SDK1: variants seen among roughly 807,000 people sequenced by gnomAD.
The protein encoded by SDK1 is protein sidekick-1.
A neutral mutation model predicts 245.5 loss-of-function variants in SDK1; 157 were observed. The observed-to-expected ratio is 0.64, with a 90% CI of 0.56 to 0.73. SDK1 has a LOEUF of 0.73. Ranked by LOEUF, SDK1 falls within the 30% of genes least tolerant of loss-of-function variation. The pLI is 0.00. For missense variants in SDK1, 3,583 were observed against 3,002.3 expected (o/e 1.19, Z -4.52); for synonymous variants, 1,647 against 1,278.5 (o/e 1.29, Z -6.15).
intron 5 of SDK1, among the ~76,000 whole-genome samples, chr7:3,904,645 G>A (rs951620252): frequency 6.6e-6 from 1 of 151,946 alleles, no homozygotes; most frequent in South Asian, 2.1e-4. Context: ...AGTGGGCTAC[G>A]ATAACACCAC....
chr7:3,554,039 C>G (rs1449460151), intron 1 of SDK1, among the ~76,000 whole-genome samples: 1 of 152,162 alleles, frequency 6.6e-6, no homozygotes, highest in African/African-American at 2.4e-5. Flanking sequence ...TAAGCCTAAA[C>G]AGGGTGACTG....
At chr7:4,090,037 G>A (rs910922158) in intron 22 of SDK1, among the ~76,000 whole-genome samples, 3 of 152,186 alleles carry the variant, frequency 2.0e-5, no homozygotes, top group Admixed American at 6.5e-5. Flanking sequence ...AGTCGTCCTA[G>A]GTGACGCATT....
chr7:3,586,630 G>A (rs528227384), intron 1 of SDK1, among the ~76,000 whole-genome samples: 16 of 151,506 alleles, frequency 1.1e-4, no homozygotes, highest in South Asian at 4.2e-4. Flanking sequence ...GCATGAACCC[G>A]GGAGGTGGAG....
intron 15 of SDK1, 41 bp from the exon 16 acceptor site, chr7:4,012,054 G>C: frequency 7.2e-7 from 1 of 1,393,048 alleles, no homozygotes; most frequent in East Asian, 2.8e-5. Flanking sequence ...CGCTGTTTCT[G>C]GTACTCATCT....
At position 3,477,189 on chromosome 7, in the gene SDK1, CTTTTTTTTTTTTT is replaced by C. The variant is rs35328849; in HGVS notation, c.299-141879_299-141867del. Among the ~76,000 whole-genome samples the C allele has an allele frequency of 3.9e-3, 306 of 78,668 alleles. 1 individual carries two copies. The highest frequency in any genetic ancestry group is 0.012 in the African/African-American group (246 of 19,780). 51.6% of individuals were successfully genotyped at this position (78,668 alleles called of 152,430 possible). A position where few individuals can be genotyped will look rare whatever the true frequency, so the allele number is the denominator to read the frequency against. On this transcript the variant is annotated intron_variant, in intron 1 of 44. Coordinates refer to ENST00000404826, the MANE Select transcript of SDK1 (RefSeq NM_152744.4). ...TTCATTTTTGCTTTATGGTTTTCTC[CTTTTTTTTTTTTT>C]TTTTTTTTTTTGAGCCAGAGTCTTG...
At chr7:4,190,402 C>T (rs1245223512) in intron 35 of SDK1, among the ~76,000 whole-genome samples, 2 of 152,198 alleles carry the variant, frequency 1.3e-5, no homozygotes, top group African/African-American at 4.8e-5. Flanking sequence ...GGTCACCATC[C>T]CCTGGGTGGG....
rs144299186 is a variant in SDK1, at chr7:3,365,399, C to T, written c.298+63515C>T. ...GTACCATTGCAATAGGAGGCCATTA[C>T]TTCAGAACTCTTTCAGTGGTCGGAA... On this transcript the variant is annotated intron_variant, in intron 1 of 44. Coordinates refer to ENST00000404826, the MANE Select transcript of SDK1 (RefSeq NM_152744.4). 4.7e-4 allele frequency among the ~76,000 whole-genome samples: 72 copies of T among 152,260 alleles called. 1 individual carries two copies. The highest frequency in any genetic ancestry group is 1.7e-3 in the African/African-American group (72 of 41,554).
At chr7:3,438,014 A>C (rs1780080095) in intron 1 of SDK1, among the ~76,000 whole-genome samples, 1 of 152,132 alleles carries the variant, frequency 6.6e-6, no homozygotes, top group Admixed American at 6.5e-5. Flanking sequence ...TTGTTGGGGC[A>C]AGTGGAATTA....
chr7:4,107,101 T>TACAC (rs922325421), intron 22 of SDK1, among the ~76,000 whole-genome samples: 2 of 124,214 alleles, frequency 1.6e-5, no homozygotes, highest in Admixed American at 1.9e-4. Context: ...GGCAGCCGAA[T>TACAC]ACACACATCC....
At chr7:3,542,843 A>C (rs1341419892) in intron 1 of SDK1, among the ~76,000 whole-genome samples, 1 of 152,186 alleles carries the variant, frequency 6.6e-6, no homozygotes, top group African/African-American at 2.4e-5. Context: ...TCAAAGACAA[A>C]GACTTCTAAG....
At chr7:3,341,083 T>G (rs548372520) in intron 1 of SDK1, among the ~76,000 whole-genome samples, 1 of 152,086 alleles carries the variant, frequency 6.6e-6, no homozygotes, top group East Asian at 1.9e-4. Flanking sequence ...AACTCCACAG[T>G]TCAGTATCGC....
At chr7:3,368,517 A>G (rs1430629802) in intron 1 of SDK1, among the ~76,000 whole-genome samples, 3 of 152,236 alleles carry the variant, frequency 2.0e-5, no homozygotes, top group Non-Finnish European at 4.4e-5. Context: ...TGATAACTTT[A>G]TAATTAAAAT....
At chr7:4,071,181 C>T (rs1780234782) in intron 20 of SDK1, among the ~76,000 whole-genome samples, 1 of 152,064 alleles carries the variant, frequency 6.6e-6, no homozygotes, top group Non-Finnish European at 1.5e-5. Context: ...TGCGCCACCA[C>T]ACCCAGCTAA....
intron 26 of SDK1, among the ~76,000 whole-genome samples, chr7:4,128,599 G>A (rs1784544761): frequency 6.8e-6 from 1 of 146,652 alleles, no homozygotes; most frequent in African/African-American, 2.5e-5. Context: ...AGCAGCTTGG[G>A]GTGGGGTCCC....
At chr7:3,504,180 A>ATGTGTGTGTGTGTGTGTGTG (rs1338465819) in intron 1 of SDK1, among the ~76,000 whole-genome samples, 939 of 89,322 alleles carry the variant, frequency 0.011, 4 homozygotes, top group Non-Finnish European at 0.014. Flanking sequence ...ATATATATAT[A>ATGTGTGTGTGTGTGTGTGTG]TATGTGTGTG....
intron 1 of SDK1, among the ~76,000 whole-genome samples, chr7:3,591,666 A>G (rs1026609534): frequency 2.0e-5 from 3 of 152,124 alleles, no homozygotes; most frequent in African/African-American, 7.2e-5. Context: ...GGGAAGTGTT[A>G]ATGATCACTG....
intron 4 of SDK1, among the ~76,000 whole-genome samples, chr7:3,731,850 G>A (rs1387653680): frequency 1.3e-5 from 2 of 152,116 alleles, no homozygotes; most frequent in Non-Finnish European, 2.9e-5. Flanking sequence ...GGAGTGCAGT[G>A]GCGTGATGTT....
chr7:4,241,721 A>G (rs1271623539), intron 42 of SDK1, 72 bp from the exon 43 acceptor site: 5 of 1,595,662 alleles, frequency 3.1e-6, no homozygotes, highest in Non-Finnish European at 4.3e-6. Flanking sequence ...CCCGCTGGCC[A>G]GCTCTGGCTT....
intron 5 of SDK1, among the ~76,000 whole-genome samples, chr7:3,915,668 G>A (rs778064601): frequency 3.3e-5 from 5 of 152,082 alleles, no homozygotes; most frequent in Non-Finnish European, 5.9e-5. Flanking sequence ...TATTAGCAGC[G>A]TGAGAATGAG....
Sources: gnomAD v4.1 joint callset for allele counts (sites outside exome capture counted in the v4.1 genomes callset) on GRCh38, gnomAD v4.1.1 for gene constraint, MANE v1.5 for transcripts, NCBI Gene and HGNC (gene_info 2026-07-23, HGNC 2026-07-21) for gene names.